MTUS2: variants seen among roughly 807,000 people sequenced by gnomAD.
The protein encoded by MTUS2 is microtubule-associated tumor suppressor candidate 2.
In MTUS2, 40 loss-of-function variants were observed where a neutral mutation model predicts 114.1. The ratio of observed to expected loss-of-function variants is 0.35; its 90% confidence interval spans 0.27 to 0.46. The LOEUF is 0.46. MTUS2 is among the 20% of genes least tolerant of loss of function. MTUS2 has a pLI of 1.00. For synonymous variants in MTUS2, 688 were observed against 672.0 expected (o/e 1.02, Z -0.37); for missense variants, 1,679 against 1,705.4 (o/e 0.98, Z 0.27).
chr13:29,447,544 G>A (rs1878371850), intron 9 of MTUS2, among the ~76,000 whole-genome samples: 1 of 151,626 alleles, frequency 6.6e-6, no homozygotes, highest in Non-Finnish European at 1.5e-5. Context: ...GGGAAATCAG[G>A]GTGACTTAAG....
chr13:29,364,132 C>T (rs1186447482), intron 8 of MTUS2, among the ~76,000 whole-genome samples: 3 of 152,078 alleles, frequency 2.0e-5, no homozygotes, highest in Admixed American at 2.0e-4. Flanking sequence ...CGCACAATTG[C>T]AAAACAGGTG....
At chr13:29,023,710 G>A (rs924435303) in intron 2 of MTUS2, among the ~76,000 whole-genome samples, 2 of 152,040 alleles carry the variant, frequency 1.3e-5, no homozygotes, top group African/African-American at 4.8e-5. Context: ...GAAAATCCAG[G>A]CTCCGCTGAC....
At chr13:29,400,877 C>G (rs1874282255) in intron 8 of MTUS2, among the ~76,000 whole-genome samples, 1 of 152,172 alleles carries the variant, frequency 6.6e-6, no homozygotes, top group Non-Finnish European at 1.5e-5. Context: ...CTTCCCATCC[C>G]CTGCTCATTC....
intron 2 of MTUS2, among the ~76,000 whole-genome samples, chr13:28,840,153 A>G (rs1156770542): frequency 6.6e-6 from 1 of 152,096 alleles, no homozygotes; most frequent in Non-Finnish European, 1.5e-5. Flanking sequence ...GTAGTAATTA[A>G]TCTTCAGTAA....
chr13:29,031,923 T>C (rs4769660), intron 3 of MTUS2, among the ~76,000 whole-genome samples: 146,927 of 152,110 alleles, frequency 0.97, 71,009 homozygotes, highest in South Asian at 0.98. Flanking sequence ...CTGGTAAGAA[T>C]GTATTTGTTC....
chr13:29,264,613 A>G (rs551126480), intron 5 of MTUS2, among the ~76,000 whole-genome samples: 4 of 152,296 alleles, frequency 2.6e-5, no homozygotes, highest in African/African-American at 9.6e-5. Flanking sequence ...CCAAGCCTCA[A>G]CTCTTGCACT....
In MTUS2 at chr13:29,469,640, A is replaced by G. The variant is rs1354686238; in HGVS notation, c.3185-10510A>G. On this transcript the variant is annotated intron_variant, in intron 9 of 15. Coordinates refer to ENST00000612955, the MANE Select transcript of MTUS2 (RefSeq NM_001033602.4). ...AGACTATGTCTCAAAAAAAAAAAAA[A>G]GAAAGAAAGAAAGAAAGAAGGCTGG... Among the ~76,000 whole-genome samples the G allele has an allele frequency of 2.1e-5, 3 of 143,266 alleles. No homozygotes were observed. In the East Asian group the frequency reaches 6.1e-4, roughly 29 times the overall value. 94.0% of individuals were successfully genotyped at this position (143,266 alleles called of 152,430 possible).
At position 29,026,320 on chromosome 13, in the gene MTUS2, C is replaced by A. The variant is rs1003464998; in HGVS notation, c.1622C>A (p.Thr541Asn). ...CCAGCACCCCTCCACCCAGAGACAA[C>A]TGTGAACATGACCTACCAGCCTACA... ...NIPAPLHPET[T>N]VNMTYQPTTP... Residue 541 changes from threonine to asparagine, a missense_variant, in exon 3 of 16, where the codon ACT (threonine) becomes AAT (asparagine). Thr to Asn is a moderately conservative substitution (Grantham distance 65). Around this residue, in one of 3 missense-constraint regions of MTUS2, gnomAD observed 843 missense variants for 770.8 expected, o/e 1.09. Transcript: ENST00000612955. 2.5e-6 allele frequency: 4 copies of A among 1,614,018 alleles called. No individual in the cohort carries two copies. The highest frequency in any genetic ancestry group is 3.4e-6 in the Non-Finnish European group (4 of 1,179,898).
chr13:29,282,768 A>G (rs954633098), intron 6 of MTUS2, among the ~76,000 whole-genome samples: 3 of 152,196 alleles, frequency 2.0e-5, no homozygotes, highest in East Asian at 3.8e-4. Context: ...ATATGTAAAC[A>G]TACGGGTTTT....
At chr13:29,328,225 A>C (rs756797838) in intron 7 of MTUS2, among the ~76,000 whole-genome samples, 43 of 152,372 alleles carry the variant, frequency 2.8e-4, no homozygotes, top group Middle Eastern at 6.8e-3. Flanking sequence ...AAAAATCCAA[A>C]TTCTGCCAAA....
rs151117183 is a variant in MTUS2 at position 29,397,000 on chromosome 13, A to G, written c.3117+37527A>G. Among the ~76,000 whole-genome samples, 640 of 152,348 alleles carry G rather than the reference A, an allele frequency of 4.2e-3. 2 individuals carry two copies. Among genetic ancestry groups the G allele is most frequent in the African/African-American group, 0.014 (585 of 41,580 alleles). On this transcript the variant is annotated intron_variant, in intron 8 of 15. Coordinates refer to ENST00000612955, the MANE Select transcript of MTUS2 (RefSeq NM_001033602.4). ...GTCCAAGACAGGGTTCTTGAAGCAC[A>G]TGAATTATTGGGGAGTTGTGCTCTA...
At chr13:29,012,823 G>T (rs1885909863) in intron 2 of MTUS2, among the ~76,000 whole-genome samples, 1 of 151,780 alleles carries the variant, frequency 6.6e-6, no homozygotes, top group South Asian at 2.1e-4. Flanking sequence ...GCAGTGAGCC[G>T]AGATCGCACC....
intron 4 of MTUS2, among the ~76,000 whole-genome samples, chr13:29,096,856 C>T (rs183702902): frequency 6.6e-6 from 1 of 152,238 alleles, no homozygotes; most frequent in Admixed American, 6.5e-5. Context: ...AAGTGTTGAA[C>T]TTCTAGCCTA....
In MTUS2 at chr13:29,480,604, C is replaced by T. The variant is rs1428003826; in HGVS notation, c.3399+240C>T. 6.6e-6 allele frequency among the ~76,000 whole-genome samples: 1 copy of T among 152,194 alleles called. No homozygotes were observed. The highest frequency in any genetic ancestry group is 1.9e-4 in the East Asian group (1 of 5,196). On this transcript the variant is annotated intron_variant, in intron 10 of 15. Coordinates refer to ENST00000612955, the MANE Select transcript of MTUS2 (RefSeq NM_001033602.4). This position sits in a 1 kb window ranked among gnomAD's most constrained non-coding sequence, Gnocchi z 4.4. ...GCCCTCTGCCTGGAATGCTCTCCCT[C>T]TAGACAGTGCATGGCTGCCTCTTGC...
chr13:29,268,063 A>T (rs1897733576), intron 5 of MTUS2, among the ~76,000 whole-genome samples: 2 of 152,138 alleles, frequency 1.3e-5, no homozygotes, highest in African/African-American at 4.8e-5. Context: ...TTTGTTACAT[A>T]AGTATACACG....
intron 2 of MTUS2, among the ~76,000 whole-genome samples, chr13:28,945,194 T>TAC (rs397823353): frequency 1.5e-4 from 22 of 151,000 alleles, no homozygotes; most frequent in African/African-American, 2.7e-4. Flanking sequence ...TATATATATA[T>TAC]ACACCACATT....
chr13:28,976,906 T>G (rs541388633), intron 2 of MTUS2, among the ~76,000 whole-genome samples: 36 of 152,292 alleles, frequency 2.4e-4, no homozygotes, highest in African/African-American at 7.9e-4. Context: ...ATAGACTAAC[T>G]CTGGAAGGAT....
chr13:29,087,994 G>T (rs1426619669), intron 4 of MTUS2, among the ~76,000 whole-genome samples: 1 of 150,818 alleles, frequency 6.6e-6, no homozygotes, highest in Non-Finnish European at 1.5e-5. Flanking sequence ...GGGAGGCGGA[G>T]CTTGCAGTGG....
intron 4 of MTUS2, among the ~76,000 whole-genome samples, chr13:29,092,224 G>A (rs963668296): frequency 1.2e-4 from 19 of 152,206 alleles, no homozygotes; most frequent in Non-Finnish European, 2.5e-4. Flanking sequence ...TTTGGTGTGC[G>A]TTCCTCTGAT....
Sources: allele counts gnomAD v4.1 joint callset (sites outside exome capture counted in the v4.1 genomes callset), GRCh38; gene constraint gnomAD v4.1.1; regional missense constraint gnomAD v4.1.1; non-coding constraint Gnocchi (gnomAD v3.1); transcripts MANE v1.5; gene names NCBI Gene and HGNC (gene_info 2026-07-23, HGNC 2026-07-21).